Variants in RABGGTA observed in about 807,000 individuals in gnomAD.
The protein encoded by RABGGTA is Rab geranylgeranyltransferase subunit alpha, also known as geranylgeranyl transferase type-2 subunit alpha.
RABGGTA carries 69 observed loss-of-function variants against 83.3 expected under a neutral mutation model. The observed-to-expected ratio is 0.83, with a 90% CI of 0.68 to 1.01. The LOEUF (loss-of-function observed/expected upper bound fraction) is 1.01. RABGGTA is among the 50% of genes least tolerant of loss of function. RABGGTA has a pLI of 0.00. For synonymous variants in RABGGTA, 310 were observed against 299.8 expected, an observed-to-expected ratio of 1.03 and a Z score of -0.35; for missense variants, 681 against 712.7, an observed-to-expected ratio of 0.96 and a Z score of 0.51.
chr14:24,267,625 G>T, intron 14 of RABGGTA, 35 bp downstream of exon 14: 1 of 1,560,972 alleles, frequency 6.4e-7, no homozygotes, highest in Non-Finnish European at 8.7e-7. Flanking sequence ...CCAGCGGGAT[G>T]AGGGCCAGGG....
chr14:24,267,996 A>C, intron 12 of RABGGTA, 38 bp from the exon 13 acceptor site: 1 of 1,607,470 alleles, frequency 6.2e-7, no homozygotes, highest in Non-Finnish European at 8.5e-7. Context: ...TTTCTCTTGG[A>C]ACCTCCTCTG....
Position 24,268,760 on chromosome 14 carries a change from TC to T in RABGGTA, c.864del (p.Thr289ProfsTer46), listed in dbSNP as rs1290374842. The T allele has an allele frequency of 6.3e-7, 1 of 1,582,894 alleles. No homozygotes were observed. Among genetic ancestry groups the T allele is most frequent in the Non-Finnish European group, 8.6e-7 (1 of 1,164,896 alleles). On this transcript the variant is annotated frameshift_variant, in exon 9 of 17. Coordinates refer to ENST00000216840, the MANE Select transcript of RABGGTA (RefSeq NM_182836.3). LOFTEE classifies it high-confidence loss of function. Reference sequence around the variant, plus strand: ...CTGGGCCGGTTCCTGCCATCTGGGGTCCTCCACTCCACAATCAGGGGAGAAT... The same window carrying T: ...CTGGGCCGGTTCCTGCCATCTGGGGTCTCCACTCCACAATCAGGGGAGAAT... ...VDDSPLIVEW[R>X]TPDGRNRPSH...
chr14:24,269,063 C>T lies in RABGGTA; in HGVS notation c.715+17G>A, dbSNP rs1259905580. On this transcript the variant is annotated intron_variant, in intron 7 of 16. Coordinates refer to ENST00000216840, the MANE Select transcript of RABGGTA (RefSeq NM_182836.3). Reference sequence around the variant, plus strand: ...CTATTAAGCGCTAAACACCCAGCCCCTTTCCTCATTGCTCACCTCGGCCTA... The same window carrying T: ...CTATTAAGCGCTAAACACCCAGCCCTTTTCCTCATTGCTCACCTCGGCCTA... 4 of 1,599,426 alleles carry T rather than the reference C, an allele frequency of 2.5e-6. No homozygotes were observed. The South Asian group carries it at 4.5e-5, about 18-fold the overall frequency.
Position 24,269,644 on chromosome 14 carries a change from G to A in RABGGTA, c.478C>T (p.Pro160Ser), listed in dbSNP as rs376882083. ...RFVATQAAVP[P>S]AEELAFTDSL... ...TCAGTGAAGGCTAGCTCTTCTGCAG[G>A]GGGCACGGCTGCCTGTGTGGCCACA... Residue 160 changes from proline (P) to serine (S), a missense_variant, in exon 6 of 17, where the codon CCT becomes TCT. Pro to Ser is a moderately conservative substitution (Grantham distance 74). Coordinates refer to ENST00000216840, the MANE Select transcript of RABGGTA (RefSeq NM_182836.3). The A allele has an allele frequency of 8.1e-6, 13 of 1,613,872 alleles. No individual in the cohort carries two copies. The highest frequency in any genetic ancestry group is 9.3e-6 in the Non-Finnish European group (11 of 1,179,898).
chr14:24,268,778 G>A lies in RABGGTA; in HGVS notation c.847C>T (p.Leu283=). The A allele has an allele frequency of 1.3e-6, 2 of 1,579,026 alleles. No individual in the cohort carries two copies. The highest frequency in any genetic ancestry group is 1.7e-6 in the Non-Finnish European group (2 of 1,162,542). The change falls in exon 9 of 17, where the codon CTG becomes TTG. Residue 283 remains leucine, a synonymous_variant. Coordinates refer to ENST00000216840, the MANE Select transcript of RABGGTA (RefSeq NM_182836.3). ...ILLLMVDDSP[L]IVEWRTPDGR... ...TCTGGGGTCCTCCACTCCACAATCAGGGGAGAATCATCAACCATGAGCAGC... is the reference window on the plus strand; with the variant it reads ...TCTGGGGTCCTCCACTCCACAATCAAGGGAGAATCATCAACCATGAGCAGC...
In RABGGTA at chr14:24,267,689, C is replaced by G; in HGVS notation, c.1324G>C (p.Glu442Gln). ...TGAGCCAGGTGCAGCACACGCACCT[C>G]GGCATACTCCATCTTGAGCACGCTA... is the stretch of plus-strand genomic sequence containing the variant. ...ENSVLKMEYA[E>Q]VRVLHLAHKD... Residue 442 changes from glutamate (E) to glutamine (Q), a missense_variant, in exon 14 of 17, where the codon GAG (glutamate) becomes CAG (glutamine). Glu to Gln is a conservative substitution (Grantham distance 29). This residue lies in a region of RABGGTA where 421 missense variants were observed against 418.5 expected (regional missense o/e 1.01). Coordinates refer to ENST00000216840, the MANE Select transcript of RABGGTA (RefSeq NM_182836.3). 1 of 1,611,818 alleles carries G rather than the reference C, an allele frequency of 6.2e-7. No homozygotes were observed. Among genetic ancestry groups the G allele is most frequent in the Non-Finnish European group, 8.5e-7 (1 of 1,179,766 alleles).
chr14:24,271,246 T>C (rs2139045702), intron 1 of RABGGTA, 77 bp from the exon 2 acceptor site: 1 of 1,256,580 alleles, frequency 8.0e-7, no homozygotes, highest in Non-Finnish European at 1.1e-6. Context: ...GCAGCAAGCG[T>C]GCCTGGGCAG....
chr14:24,267,896 T>G lies in RABGGTA; in HGVS notation c.1210A>C (p.Thr404Pro). The change falls in exon 13 of 17, where the codon ACC (threonine) becomes CCC (proline). Residue 404 changes from threonine to proline, a missense_variant. Thr to Pro is a conservative substitution (Grantham distance 38). Coordinates refer to ENST00000216840, the MANE Select transcript of RABGGTA (RefSeq NM_182836.3). ...ALDPLLYEKE[T>P]LQYFQTLKAV... is the part of the protein sequence containing the mutation. ...TTGAGGGTCTGGAAGTACTGCAGGG[T>G]CTCCTTCTCATACAGCAGGGGGTCC... 1 of 1,613,664 alleles carries G rather than the reference T, an allele frequency of 6.2e-7. No homozygotes were observed. Among genetic ancestry groups the G allele is most frequent in the Non-Finnish European group, 8.5e-7 (1 of 1,179,806 alleles).
In RABGGTA at chr14:24,269,652, G is replaced by T; in HGVS notation, c.470C>A (p.Ala157Asp). 6.2e-7 allele frequency: 1 copy of T among 1,613,904 alleles called. No homozygotes were observed. The highest frequency in any genetic ancestry group is 1.3e-5 in the African/African-American group (1 of 75,034). The change falls in exon 6 of 17, where the codon GCC (alanine) becomes GAC (aspartate). Residue 157 changes from alanine to aspartate, a missense_variant. Coordinates refer to ENST00000216840, the MANE Select transcript of RABGGTA (RefSeq NM_182836.3). ...GGCTAGCTCTTCTGCAGGGGGCACG[G>T]CTGCCTGTGTGGCCACAAACCGCCG... ...DYRRFVATQA[A>D]VPPAEELAFT...
Position 24,270,018 on chromosome 14 carries a change from G to C in RABGGTA, c.362C>G (p.Pro121Arg). The C allele has an allele frequency of 1.2e-6, 2 of 1,613,664 alleles. No individual in the cohort carries two copies. The highest frequency in any genetic ancestry group is 1.7e-6 in the Non-Finnish European group (2 of 1,179,790). Reference protein sequence around the residue: ...HHRCWLLGRLPEPNWTRELEL... With the variant: ...HHRCWLLGRLREPNWTRELEL... Reference sequence around the variant, plus strand: ...CAGCTCTCGGGTCCAGTTGGGCTCAGGCAGGCGGCCTAGCAGCCAGCATCG... The same window carrying C: ...CAGCTCTCGGGTCCAGTTGGGCTCACGCAGGCGGCCTAGCAGCCAGCATCG... Residue 121 changes from proline (P) to arginine (R), a missense_variant, in exon 5 of 17, where the codon CCT (proline) becomes CGT (arginine). By Grantham distance (103) the Pro-to-Arg change is moderately radical (BLOSUM62 -2). Coordinates refer to ENST00000216840, the MANE Select transcript of RABGGTA (RefSeq NM_182836.3).
Position 24,268,418 on chromosome 14 carries a change from G to C in RABGGTA, c.1009C>G (p.Arg337Gly), listed in dbSNP as rs762590027. 14 of 1,613,662 alleles carry C rather than the reference G, an allele frequency of 8.7e-6. No homozygotes were observed. In the South Asian group the frequency reaches 1.5e-4, roughly 18 times the overall value. Residue 337 changes from arginine (R) to glycine (G), a missense_variant and splice_region_variant, in exon 11 of 17, where the codon CGC becomes GGC. This residue lies in a region of RABGGTA where 421 missense variants were observed against 418.5 expected (regional missense o/e 1.01). Coordinates refer to ENST00000216840, the MANE Select transcript of RABGGTA (RefSeq NM_182836.3). ...VQKECVLLKG[R>G]QEGWCRDSTT... ...GAGTCCCGGCACCAGCCCTCCTGGC[G>C]GCCTGGGGAAAGAGTAGGTGGTTGG... is the stretch of plus-strand genomic sequence containing the variant.
In RABGGTA at chr14:24,268,869, C is replaced by G. The variant is rs760686607; in HGVS notation, c.798+42G>C. The G allele has an allele frequency of 2.6e-6, 4 of 1,568,038 alleles. No individual in the cohort carries two copies. The African/African-American group carries it at 5.4e-5, about 21-fold the overall frequency. ...GACTTCAGCCCCATCAGCACCAGGC[C>G]CACAGTCCCACAGTGCTCTTGACAA... On this transcript the variant is annotated intron_variant, in intron 8 of 16. Transcript: ENST00000216840.
intron 3 of RABGGTA, 27 bp from the exon 4 acceptor site, chr14:24,270,485 G>A (rs1315109251): frequency 1.9e-6 from 3 of 1,612,992 alleles, no homozygotes; most frequent in African/African-American, 2.7e-5. Context: ...CAGGGTTAGA[G>A]ATCATATAAT....
chr14:24,268,351 G>T lies in RABGGTA; in HGVS notation c.1058+18C>A. 6.2e-7 allele frequency: 1 copy of T among 1,612,958 alleles called. No homozygotes were observed. Among genetic ancestry groups the T allele is most frequent in the African/African-American group, 1.3e-5 (1 of 75,000 alleles). ...AGTCCAGAGCCCCTCTCCTTGTTTTGTGCTTCCCTATCACCACCTGAATAG... is the reference window on the plus strand; with the variant it reads ...AGTCCAGAGCCCCTCTCCTTGTTTTTTGCTTCCCTATCACCACCTGAATAG... On this transcript the variant is annotated intron_variant, in intron 11 of 16. Coordinates refer to ENST00000216840, the MANE Select transcript of RABGGTA (RefSeq NM_182836.3).
rs369132931 is a variant in RABGGTA at position 24,267,864 on chromosome 14, A to G, written c.1236+6T>C. On this transcript the variant is annotated splice_donor_region_variant and intron_variant, in intron 13 of 16. Coordinates refer to ENST00000216840, the MANE Select transcript of RABGGTA (RefSeq NM_182836.3). ...CCCCCTGGTCTGTTCTGCAGACAGA[A>G]CTTGCCTTGAGGGTCTGGAAGTACT... The G allele has an allele frequency of 4.8e-5, 78 of 1,613,350 alleles. 1 individual carries two copies. In the Middle Eastern group the frequency reaches 1.0e-3, roughly 21 times the overall value.
rs769200646 is a variant in RABGGTA, at chr14:24,270,014, C to T, written c.366G>A (p.Glu122=). ...GCTCCAGCTCTCGGGTCCAGTTGGG[C>T]TCAGGCAGGCGGCCTAGCAGCCAGC... The part of the protein sequence containing the change: ...HRCWLLGRLP[E]PNWTRELELC... Residue 122 remains glutamate (E), a synonymous_variant, in exon 5 of 17, where the codon GAG becomes GAA. Coordinates refer to ENST00000216840, the MANE Select transcript of RABGGTA (RefSeq NM_182836.3). 3.1e-6 allele frequency: 5 copies of T among 1,613,548 alleles called. No individual in the cohort carries two copies. The African/African-American group carries it at 5.3e-5, about 17-fold the overall frequency.
At chr14:24,269,881 GGCCT>G (rs2040923335) in intron 5 of RABGGTA, 68 bp downstream of exon 5, 3 of 1,550,256 alleles carry the variant, frequency 1.9e-6, no homozygotes, top group Non-Finnish European at 2.6e-6. Flanking sequence ...CCCCATTCTG[GGCCT>G]TACTGAGGCC....
Position 24,268,592 on chromosome 14 carries a change from T to G in RABGGTA, c.928A>C (p.Asn310His), listed in dbSNP as rs1761980154. The G allele has an allele frequency of 6.2e-7, 1 of 1,613,870 alleles. No homozygotes were observed. Among genetic ancestry groups the G allele is most frequent in the African/African-American group, 1.3e-5 (1 of 74,934 alleles). The change falls in exon 10 of 17, where the codon AAC becomes CAC. Residue 310 changes from asparagine (N) to histidine (H), a missense_variant. By Grantham distance (68) the Asn-to-His change is moderately conservative. Transcript: ENST00000216840. ...AATGTATGTTGGGGCAACTGGTCGTTGAGGGAGGCAGCAGGCAGGTCACAG... is the reference window on the plus strand; with the variant it reads ...AATGTATGTTGGGGCAACTGGTCGTGGAGGGAGGCAGCAGGCAGGTCACAG... The part of the protein sequence containing the change: ...WLCDLPAASL[N>H]DQLPQHTFRV...
At chr14:24,271,320 C>G in intron 1 of RABGGTA, 151 bp from the exon 2 acceptor site, 1 of 518,904 alleles carries the variant, frequency 1.9e-6, no homozygotes, top group Non-Finnish European at 3.2e-6. Flanking sequence ...GGTGAGCACC[C>G]GGACTAGGAC....
Sources: gnomAD v4.1 joint callset for allele counts on GRCh38, gnomAD v4.1.1 for gene constraint, gnomAD v4.1.1 regional missense constraint, MANE v1.5 for transcripts, NCBI Gene and HGNC (gene_info 2026-07-23, HGNC 2026-07-21) for gene names.